The following ARHGAP31 variants were observed in gnomAD, a reference collection of about 807,000 sequenced individuals.
ARHGAP31 encodes rho GTPase-activating protein 31.
In ARHGAP31, 34 loss-of-function variants were observed where a neutral mutation model predicts 113.9. That is an observed-to-expected ratio of 0.30 (90% confidence interval 0.23 to 0.40). The LOEUF is 0.40. ARHGAP31 is among the 10% of genes least tolerant of loss of function. ARHGAP31 has a pLI of 1.00. For missense variants in ARHGAP31, 1,548 were observed against 1,767.1 expected, an observed-to-expected ratio of 0.88 and a Z score of 2.22; for synonymous variants, 650 against 684.8, an observed-to-expected ratio of 0.95 and a Z score of 0.79.
At chr3:119,323,233 G>A (rs908642601) in intron 1 of ARHGAP31, among the ~76,000 whole-genome samples, 22 of 152,120 alleles carry the variant, frequency 1.4e-4, no homozygotes, top group Non-Finnish European at 2.6e-4. Flanking sequence ...GTCACTTGGC[G>A]CCCGCCCGCG....
chr3:119,378,294 T>C (rs1352422540), intron 3 of ARHGAP31, among the ~76,000 whole-genome samples: 1 of 152,064 alleles, frequency 6.6e-6, no homozygotes, highest in Non-Finnish European at 1.5e-5. Flanking sequence ...AAGTTTGCAG[T>C]GGCCGGGCCC....
At chr3:119,300,777 A>C (rs376327396) in intron 1 of ARHGAP31, among the ~76,000 whole-genome samples, 2 of 150,910 alleles carry the variant, frequency 1.3e-5, no homozygotes, top group African/African-American at 4.9e-5. Context: ...CAGTGAGCTG[A>C]GATCATACCA....
chr3:119,367,482 T>G (rs1448034108), intron 2 of ARHGAP31, among the ~76,000 whole-genome samples: 1 of 152,120 alleles, frequency 6.6e-6, no homozygotes, highest in Non-Finnish European at 1.5e-5. Context: ...CACTATAGAT[T>G]GTTTAAGAAG....
chr3:119,394,384 G>T (rs188959339), intron 8 of ARHGAP31, among the ~76,000 whole-genome samples: 5 of 152,252 alleles, frequency 3.3e-5, no homozygotes, highest in African/African-American at 9.6e-5. Flanking sequence ...TTTAAAGAAG[G>T]ATGCTACCCC....
chr3:119,414,003 C>A lies in ARHGAP31; in HGVS notation c.2074C>A (p.Pro692Thr), dbSNP rs748368599. ...GCCTATTCTCGAGTCGAGTCTGGGG[C>A]CCTTTATTCCCTCAGAGCCTCCTGG... ...IQPILESSLG[P>T]FIPSEPPGSL... The change falls in exon 12 of 12, where the codon CCC (proline) becomes ACC (threonine). Residue 692 changes from proline to threonine, a missense_variant. By Grantham distance (38) the Pro-to-Thr change is conservative. Coordinates refer to ENST00000264245, the MANE Select transcript of ARHGAP31 (RefSeq NM_020754.4). 1.2e-6 allele frequency: 2 copies of A among 1,614,126 alleles called. No homozygotes were observed. The highest frequency in any genetic ancestry group is 1.7e-6 in the Non-Finnish European group (2 of 1,180,018).
At chr3:119,392,709 C>A (rs2080515351) in intron 7 of ARHGAP31, among the ~76,000 whole-genome samples, 1 of 152,224 alleles carries the variant, frequency 6.6e-6, no homozygotes, top group Non-Finnish European at 1.5e-5. Context: ...AAGCCAGAGA[C>A]ACACTGACTA....
At chr3:119,377,099 A>G (rs370786385) in intron 3 of ARHGAP31, among the ~76,000 whole-genome samples, 10 of 152,228 alleles carry the variant, frequency 6.6e-5, no homozygotes, top group African/African-American at 2.4e-4. Context: ...CACAAAGCAA[A>G]ATATTGACTC....
intron 6 of ARHGAP31, among the ~76,000 whole-genome samples, chr3:119,387,376 A>C (rs1309021347): frequency 1.3e-5 from 2 of 152,210 alleles, no homozygotes; most frequent in Non-Finnish European, 2.9e-5. Context: ...GATTATTATA[A>C]TATTGGAATA....
At chr3:119,413,572 AT>A (rs1345309599) in intron 11 of ARHGAP31, among the ~76,000 whole-genome samples, 1 of 152,190 alleles carries the variant, frequency 6.6e-6, no homozygotes, top group Non-Finnish European at 1.5e-5. Context: ...ACTTAGATAA[AT>A]TGTTTAATCT....
At chr3:119,349,067 C>T (rs1026235681) in intron 1 of ARHGAP31, among the ~76,000 whole-genome samples, 76 of 152,206 alleles carry the variant, frequency 5.0e-4, no homozygotes, top group African/African-American at 1.6e-3. Flanking sequence ...TTTTAACAAA[C>T]CACAAATTGC....
At chr3:119,382,669 A>G (rs1355164743) in intron 5 of ARHGAP31, among the ~76,000 whole-genome samples, 1 of 152,162 alleles carries the variant, frequency 6.6e-6, no homozygotes, top group Non-Finnish European at 1.5e-5. Flanking sequence ...AAATTTCTTG[A>G]AAAGGCCTTT....
At chr3:119,306,962 G>C (rs987815747) in intron 1 of ARHGAP31, among the ~76,000 whole-genome samples, 7 of 151,916 alleles carry the variant, frequency 4.6e-5, no homozygotes, top group African/African-American at 1.7e-4. Flanking sequence ...TTTAGGAATA[G>C]TGTGTCTTGA....
At chr3:119,327,713 G>A (rs549377847) in intron 1 of ARHGAP31, among the ~76,000 whole-genome samples, 1 of 151,842 alleles carries the variant, frequency 6.6e-6, no homozygotes, top group Non-Finnish European at 1.5e-5. Flanking sequence ...TTTACTCTCT[G>A]TCCCCTCCAT....
chr3:119,368,085 C>T (rs1377156531), intron 2 of ARHGAP31, among the ~76,000 whole-genome samples: 1 of 151,912 alleles, frequency 6.6e-6, no homozygotes, highest in Non-Finnish European at 1.5e-5. Flanking sequence ...TTGATATTTC[C>T]CCAATGTTCA....
intron 3 of ARHGAP31, among the ~76,000 whole-genome samples, chr3:119,368,943 TG>T (rs1287661762): frequency 2.0e-5 from 3 of 151,624 alleles, no homozygotes; most frequent in Non-Finnish European, 4.4e-5. Context: ...GGTAAAGAGG[TG>T]GGTGGGTAGA....
At chr3:119,298,851 A>G (rs9853937) in intron 1 of ARHGAP31, 8,886 of 218,044 alleles carry the variant, frequency 0.041, 749 homozygotes, top group African/African-American at 0.19. Flanking sequence ...CACCGCCTAT[A>G]TACTTCCGAA....
At chr3:119,326,660 T>C (rs1272493575) in intron 1 of ARHGAP31, among the ~76,000 whole-genome samples, 2 of 152,236 alleles carry the variant, frequency 1.3e-5, no homozygotes, top group Non-Finnish European at 2.9e-5. Context: ...GGTGCATTTG[T>C]GTTCTTCCCT....
At chr3:119,367,287 A>C (rs372567612) in intron 2 of ARHGAP31, among the ~76,000 whole-genome samples, 12 of 152,316 alleles carry the variant, frequency 7.9e-5, no homozygotes, top group African/African-American at 2.4e-4. Flanking sequence ...TTGGATGACT[A>C]AGTGAATACT....
intron 3 of ARHGAP31, among the ~76,000 whole-genome samples, chr3:119,373,951 A>G (rs1170756813): frequency 6.6e-6 from 1 of 152,244 alleles, no homozygotes; most frequent in African/African-American, 2.4e-5. Flanking sequence ...AAGTATGTCC[A>G]TTGCAATATT....
Sources: allele counts gnomAD v4.1 joint callset (sites outside exome capture counted in the v4.1 genomes callset), GRCh38; gene constraint gnomAD v4.1.1; transcripts MANE v1.5; gene names NCBI Gene and HGNC (gene_info 2026-07-23, HGNC 2026-07-21).